TMEM108: variants seen among roughly 807,000 people sequenced by gnomAD.
TMEM108 encodes the protein cancer/testis antigen 124.
TMEM108 carries 12 observed loss-of-function variants against 35.1 expected under a neutral mutation model. That is an observed-to-expected ratio of 0.34 (90% CI 0.22 to 0.55). The LOEUF (loss-of-function observed/expected upper bound fraction) is 0.55, where lower values mean the gene tolerates loss of function less well. Ranked by LOEUF, TMEM108 falls within the 20% of genes least tolerant of loss-of-function variation. The probability of loss-of-function intolerance (pLI) is 0.89; values close to 1 mark genes in which losing one functional copy is unlikely to be tolerated. For missense variants in TMEM108, 680 were observed against 753.3 expected, an observed-to-expected ratio of 0.90 and a Z score of 1.14; for synonymous variants, 287 against 308.6, an observed-to-expected ratio of 0.93 and a Z score of 0.73.
chr3:133,184,855 A>G (rs1305899158), intron 2 of TMEM108, among the ~76,000 whole-genome samples: 1 of 152,228 alleles, frequency 6.6e-6, no homozygotes, highest in Non-Finnish European at 1.5e-5. Flanking sequence ...AGTTAAATGC[A>G]GATTAATCTC....
chr3:133,201,298 T>TA lies in TMEM108; in HGVS notation c.-46-27956dup, dbSNP rs1280516637. ...TAGACCTGAATTTTAGACCTCTAAT[T>TA]AAAAAAAAAAAATTTATACTTTAAG... On this transcript the variant is annotated intron_variant, in intron 2 of 5. Transcript: ENST00000321871. Among the ~76,000 whole-genome samples, 305 of 148,158 alleles carry TA rather than the reference T, an allele frequency of 2.1e-3. 2 individuals carry two copies. Among genetic ancestry groups the TA allele is most frequent in the African/African-American group, 5.4e-3 (220 of 40,700 alleles).
chr3:133,185,760 G>A lies in TMEM108; in HGVS notation c.-46-43506G>A, dbSNP rs533895068. ...TTGGCCAATGAATTGGGGACCTTGCGTTTCTTTTCTTTTCTTTTCTTTTCT... is the reference window on the plus strand; with the variant it reads ...TTGGCCAATGAATTGGGGACCTTGCATTTCTTTTCTTTTCTTTTCTTTTCT... On this transcript the variant is annotated intron_variant, in intron 2 of 5. Transcript: ENST00000321871. 9.1e-5 allele frequency among the ~76,000 whole-genome samples: 12 copies of A among 132,012 alleles called. No homozygotes were observed. The East Asian group carries it at 1.8e-3, about 20-fold the overall frequency. The allele number at this position is 132,012 out of a possible 152,430, so 86.6% of individuals were successfully genotyped here.
At chr3:133,181,492 A>G (rs1467474876) in intron 2 of TMEM108, among the ~76,000 whole-genome samples, 2 of 152,120 alleles carry the variant, frequency 1.3e-5, no homozygotes, top group Non-Finnish European at 2.9e-5. Flanking sequence ...CAAAATCTGC[A>G]TGGTTTTTAA....
Position 133,055,878 on chromosome 3 carries a change from C to A in TMEM108, c.-47+9858C>A, listed in dbSNP as rs528993825. Among the ~76,000 whole-genome samples the A allele has an allele frequency of 2.6e-5, 4 of 152,300 alleles. No individual in the cohort carries two copies. In the South Asian group the frequency reaches 8.3e-4, roughly 32 times the overall value. On this transcript the variant is annotated intron_variant, in intron 2 of 5. Coordinates refer to ENST00000321871, the MANE Select transcript of TMEM108 (RefSeq NM_023943.4). ...CTGGAAAGAACTTACTGGATCACTTCTGAAATTAATTATTGTCATTAGAAC... is the reference window on the plus strand; with the variant it reads ...CTGGAAAGAACTTACTGGATCACTTATGAAATTAATTATTGTCATTAGAAC...
chr3:133,233,824 T>C (rs1946192153), intron 3 of TMEM108, among the ~76,000 whole-genome samples: 1 of 151,832 alleles, frequency 6.6e-6, no homozygotes, highest in South Asian at 2.1e-4. Flanking sequence ...GTCTTTTGGC[T>C]GCATAAATGT....
At chr3:133,204,924 T>C (rs1245139869) in intron 2 of TMEM108, among the ~76,000 whole-genome samples, 1 of 152,046 alleles carries the variant, frequency 6.6e-6, no homozygotes, top group African/African-American at 2.4e-5. Context: ...CGCTATTATT[T>C]TGTGGGAGTC....
At chr3:133,148,381 A>C (rs947510435) in intron 2 of TMEM108, among the ~76,000 whole-genome samples, 8 of 152,214 alleles carry the variant, frequency 5.3e-5, no homozygotes, top group African/African-American at 1.7e-4. Flanking sequence ...GGAAGTTGGA[A>C]AATGTACAGG....
chr3:133,065,370 A>G (rs1263870798), intron 2 of TMEM108, among the ~76,000 whole-genome samples: 1 of 152,148 alleles, frequency 6.6e-6, no homozygotes, highest in African/African-American at 2.4e-5. Flanking sequence ...GTTGGTTCAC[A>G]CAGTTTTCCA....
At chr3:133,180,332 G>T (rs1358358911) in intron 2 of TMEM108, among the ~76,000 whole-genome samples, 1 of 152,036 alleles carries the variant, frequency 6.6e-6, no homozygotes, top group Non-Finnish European at 1.5e-5. Context: ...CAAATACATG[G>T]CATTGAGGTT....
intron 2 of TMEM108, among the ~76,000 whole-genome samples, chr3:133,049,189 G>T (rs1943375488): frequency 6.6e-6 from 1 of 152,166 alleles, no homozygotes; most frequent in African/African-American, 2.4e-5. Flanking sequence ...CTTTTCTTGT[G>T]ATAACCTCTT....
rs542214514 is a variant in TMEM108 at position 133,157,531 on chromosome 3, G to A, written c.-46-71735G>A. 3.9e-5 allele frequency among the ~76,000 whole-genome samples: 6 copies of A among 152,278 alleles called. No homozygotes were observed. In the South Asian group the frequency reaches 1.0e-3, roughly 26 times the overall value. ...AAGTAAACTCTTGCTCAGATTTTAA[G>A]TTCTCACTCTCCTTGACACCCTTTT... On this transcript the variant is annotated intron_variant, in intron 2 of 5. Transcript: ENST00000321871.
chr3:133,152,430 C>A (rs1944815672), intron 2 of TMEM108, among the ~76,000 whole-genome samples: 1 of 152,128 alleles, frequency 6.6e-6, no homozygotes, highest in African/African-American at 2.4e-5. Flanking sequence ...AGCTAGATGG[C>A]ACACTGCTCT....
chr3:133,268,464 G>A (rs533267331), intron 3 of TMEM108, among the ~76,000 whole-genome samples: 4 of 152,254 alleles, frequency 2.6e-5, no homozygotes, highest in South Asian at 2.1e-4. Context: ...TATAGAGGAT[G>A]TTGTAGAAAT....
chr3:133,213,150 T>C (rs1945858592), intron 2 of TMEM108, among the ~76,000 whole-genome samples: 2 of 152,168 alleles, frequency 1.3e-5, no homozygotes, highest in Admixed American at 1.3e-4. Flanking sequence ...TGATGAATAT[T>C]CATTCCTTCT....
intron 2 of TMEM108, among the ~76,000 whole-genome samples, chr3:133,154,785 A>G (rs1406157262): frequency 1.3e-5 from 2 of 152,150 alleles, no homozygotes; most frequent in Admixed American, 1.3e-4. Context: ...TGGGTGTAGC[A>G]CACCAACATG....
chr3:133,380,808 C>A lies in TMEM108; in HGVS notation c.1097C>A (p.Thr366Asn). 6.2e-7 allele frequency: 1 copy of A among 1,614,206 alleles called. No individual in the cohort carries two copies. Among genetic ancestry groups the A allele is most frequent in the South Asian group, 1.1e-5 (1 of 91,082 alleles). ...ATGPTPAAFD[T>N]SVSAPSQGIP... ...GGGCCCACCCCAGCTGCCTTCGATACCAGTGTCTCAGCCCCTTCCCAGGGG... is the reference window on the plus strand; with the variant it reads ...GGGCCCACCCCAGCTGCCTTCGATAACAGTGTCTCAGCCCCTTCCCAGGGG... Residue 366 changes from threonine (T) to asparagine (N), a missense_variant, in exon 4 of 6, where the codon ACC (threonine) becomes AAC (asparagine). Thr to Asn is a moderately conservative substitution (Grantham distance 65). Transcript: ENST00000321871. This position sits in a 1 kb window ranked among gnomAD's most constrained non-coding sequence, Gnocchi z 5.3.
chr3:133,263,915 T>C (rs1245361440), intron 3 of TMEM108, among the ~76,000 whole-genome samples: 1 of 152,220 alleles, frequency 6.6e-6, no homozygotes, highest in Non-Finnish European at 1.5e-5. Flanking sequence ...AGACATTCTT[T>C]CATCCTGCAA....
chr3:133,163,075 T>C (rs114280564), intron 2 of TMEM108, among the ~76,000 whole-genome samples: 168 of 152,326 alleles, frequency 1.1e-3, no homozygotes, highest in Non-Finnish European at 2.0e-3. Context: ...CTGTCAGTTC[T>C]CCGTTGCTTT....
chr3:133,273,823 G>A (rs1946803633), intron 3 of TMEM108, among the ~76,000 whole-genome samples: 1 of 152,140 alleles, frequency 6.6e-6, no homozygotes, highest in South Asian at 2.1e-4. Flanking sequence ...ATAGAGGAGA[G>A]GAGAGATGGA....
Sources: gnomAD v4.1 joint callset for allele counts (sites outside exome capture counted in the v4.1 genomes callset) on GRCh38, gnomAD v4.1.1 for gene constraint, Gnocchi (gnomAD v3.1) non-coding constraint, MANE v1.5 for transcripts, NCBI Gene and HGNC (gene_info 2026-07-23, HGNC 2026-07-21) for gene names.